Variants in ARHGAP12 observed in about 807,000 individuals in gnomAD.
The protein encoded by ARHGAP12 is Rho GTPase activating protein 12.
A neutral mutation model predicts 108.6 loss-of-function variants in ARHGAP12; 64 were observed. That is an observed-to-expected ratio of 0.59 (90% CI 0.48 to 0.73). The LOEUF is 0.73. Among genes scored for constraint, ARHGAP12 ranks in the 30% least tolerant of loss-of-function variants. The probability of loss-of-function intolerance (pLI) is 0.00; values close to 1 mark genes in which losing one functional copy is unlikely to be tolerated. For missense variants in ARHGAP12, 940 were observed against 1,005.9 expected (o/e 0.93, Z 0.89); for synonymous variants, 312 against 337.2 (o/e 0.93, Z 0.82).
In ARHGAP12 at chr10:31,908,208, A is replaced by T. The variant is rs766137587; in HGVS notation, c.648T>A (p.Gly216=). 1 of 1,611,022 alleles carries T rather than the reference A, an allele frequency of 6.2e-7. No individual in the cohort carries two copies. The highest frequency in any genetic ancestry group is 8.5e-7 in the Non-Finnish European group (1 of 1,178,740). ...CAGTGGAGCTGCTGCTAAGTTCATC[A>T]CCAGATTCAGAATCTTGATGTATTC... ...SERIHQDSES[G]DELSSSSTEQ... The change falls in exon 3 of 20, where the codon GGT becomes GGA. Residue 216 remains glycine (G), a synonymous_variant. Coordinates refer to ENST00000344936, the MANE Select transcript of ARHGAP12 (RefSeq NM_018287.7).
intron 3 of ARHGAP12, among the ~76,000 whole-genome samples, chr10:31,893,108 A>G (rs1761331): frequency 5.9e-5 from 9 of 152,208 alleles, no homozygotes; most frequent in East Asian, 1.9e-4. Context: ...GCAGTGTGTA[A>G]AGGGAAATTT....
At position 31,823,837 on chromosome 10, in the gene ARHGAP12, T is replaced by TG. The variant is rs1393163845; in HGVS notation, c.1530+2466dup. ...AGCAGTTTTCACTTGAGGTGACTGT[T>TG]GGTTTTTTGGCTTACATTTTAGCCT... On this transcript the variant is annotated intron_variant, in intron 11 of 19. Coordinates refer to ENST00000344936, the MANE Select transcript of ARHGAP12 (RefSeq NM_018287.7). 2.0e-5 allele frequency among the ~76,000 whole-genome samples: 3 copies of TG among 152,280 alleles called. No individual in the cohort carries two copies. The East Asian group carries it at 5.8e-4, about 29-fold the overall frequency.
chr10:31,819,682 G>C (rs761567722), intron 12 of ARHGAP12, among the ~76,000 whole-genome samples: 33 of 152,170 alleles, frequency 2.2e-4, no homozygotes, highest in Admixed American at 6.5e-5. Context: ...TTGCGGACAA[G>C]GAGGCCTAGC....
chr10:31,825,892 C>A (rs1013342784), intron 11 of ARHGAP12, among the ~76,000 whole-genome samples: 1 of 152,166 alleles, frequency 6.6e-6, no homozygotes, highest in Non-Finnish European at 1.5e-5. Context: ...ACCTCAATCA[C>A]TGATTTGTAA....
At chr10:31,886,301 T>C (rs1010618634) in intron 3 of ARHGAP12, among the ~76,000 whole-genome samples, 2 of 152,204 alleles carry the variant, frequency 1.3e-5, no homozygotes, top group African/African-American at 4.8e-5. Context: ...ATCAGGATTA[T>C]GCCAGCTTCT....
At chr10:31,878,414 C>A (rs564462648) in intron 3 of ARHGAP12, among the ~76,000 whole-genome samples, 1 of 152,316 alleles carries the variant, frequency 6.6e-6, no homozygotes, top group Admixed American at 6.5e-5. Context: ...AACTTCCTTA[C>A]ACTAACTGAT....
intron 3 of ARHGAP12, among the ~76,000 whole-genome samples, chr10:31,894,650 T>C (rs1202539168): frequency 1.3e-5 from 2 of 152,142 alleles, no homozygotes; most frequent in Non-Finnish European, 2.9e-5. Flanking sequence ...GAAGAATCAA[T>C]ATCGTGAAAA....
At chr10:31,906,559 C>A (rs1839140589) in intron 3 of ARHGAP12, among the ~76,000 whole-genome samples, 1 of 152,054 alleles carries the variant, frequency 6.6e-6, no homozygotes, top group Admixed American at 6.6e-5. Context: ...GGAAGGAAGG[C>A]AAGGTTATCT....
At position 31,861,528 on chromosome 10, in the gene ARHGAP12, T is replaced by C; in HGVS notation, c.815A>G (p.Glu272Gly). 6.2e-7 allele frequency: 1 copy of C among 1,614,166 alleles called. No homozygotes were observed. The highest frequency in any genetic ancestry group is 8.5e-7 in the Non-Finnish European group (1 of 1,180,020). Residue 272 changes from glutamate to glycine, a missense_variant, in exon 4 of 20, where the codon GAA becomes GGA. By Grantham distance (98) the Glu-to-Gly change is moderately conservative. Transcript: ENST00000344936. ...SPAIQINGEW[E>G]THKDSSGRCY... is the part of the protein sequence containing the mutation. Reference sequence around the variant, plus strand: ...ACGCCCTGAGCTGTCTTTATGAGTTTCCCATTCTCCATTAATCTGAATTGC... The same window carrying C: ...ACGCCCTGAGCTGTCTTTATGAGTTCCCCATTCTCCATTAATCTGAATTGC...
intron 3 of ARHGAP12, among the ~76,000 whole-genome samples, chr10:31,899,719 T>A (rs1838845037): frequency 6.6e-6 from 1 of 152,126 alleles, no homozygotes; most frequent in Non-Finnish European, 1.5e-5. Context: ...CACAAAAAAT[T>A]AACTAAAAAT....
chr10:31,918,315 TCACACACACAC>T (rs1839645718), intron 1 of ARHGAP12, among the ~76,000 whole-genome samples: 1 of 139,968 alleles, frequency 7.1e-6, no homozygotes, highest in Non-Finnish European at 1.5e-5. Flanking sequence ...ATTAGGGAAA[TCACACACACAC>T]ACACACACAC....
At chr10:31,918,358 CA>C (rs1389837989) in intron 1 of ARHGAP12, among the ~76,000 whole-genome samples, 3 of 141,028 alleles carry the variant, frequency 2.1e-5, no homozygotes, top group South Asian at 2.3e-4. Context: ...CACACACACA[CA>C]CCAATGAGAT....
At chr10:31,888,599 T>C (rs1838274217) in intron 3 of ARHGAP12, among the ~76,000 whole-genome samples, 1 of 152,294 alleles carries the variant, frequency 6.6e-6, no homozygotes. Context: ...TCATTCCTAA[T>C]GCCCAAATGA....
chr10:31,864,794 G>A (rs1837260159), intron 3 of ARHGAP12, among the ~76,000 whole-genome samples: 1 of 152,196 alleles, frequency 6.6e-6, no homozygotes, highest in Admixed American at 6.5e-5. Context: ...CTCAAGCTAG[G>A]TGATTAGGCT....
At chr10:31,890,700 T>C (rs1007044687) in intron 3 of ARHGAP12, among the ~76,000 whole-genome samples, 1 of 152,210 alleles carries the variant, frequency 6.6e-6, no homozygotes, top group Non-Finnish European at 1.5e-5. Flanking sequence ...TAACTGGCTA[T>C]TCAAAGCCAG....
intron 3 of ARHGAP12, among the ~76,000 whole-genome samples, chr10:31,896,779 TGGAAGTC>T (rs1838717712): frequency 6.6e-6 from 1 of 152,160 alleles, no homozygotes; most frequent in South Asian, 2.1e-4. Context: ...GTAACAAGCT[TGGAAGTC>T]ATCATTCTCA....
intron 3 of ARHGAP12, among the ~76,000 whole-genome samples, chr10:31,886,378 T>C (rs1838190366): frequency 6.6e-6 from 1 of 152,208 alleles, no homozygotes; most frequent in South Asian, 2.1e-4. Flanking sequence ...TGTGTGTATA[T>C]ATACATATGT....
intron 3 of ARHGAP12, among the ~76,000 whole-genome samples, chr10:31,869,593 A>G (rs1399395661): frequency 6.6e-6 from 1 of 152,150 alleles, no homozygotes; most frequent in Non-Finnish European, 1.5e-5. Flanking sequence ...TAAAAAAAAC[A>G]AAGTTAATTT....
At chr10:31,849,525 GACTT>G (rs1836592218) in intron 6 of ARHGAP12, among the ~76,000 whole-genome samples, 1 of 152,134 alleles carries the variant, frequency 6.6e-6, no homozygotes, top group Non-Finnish European at 1.5e-5. Flanking sequence ...ATTTATCTTA[GACTT>G]ACTAGTAAGT....
Sources: allele counts gnomAD v4.1 joint callset (sites outside exome capture counted in the v4.1 genomes callset), GRCh38; gene constraint gnomAD v4.1.1; transcripts MANE v1.5; gene names NCBI Gene and HGNC (gene_info 2026-07-23, HGNC 2026-07-21).